LRCH1: variants seen among roughly 807,000 people sequenced by gnomAD.
The protein encoded by LRCH1 is leucine rich repeats and calponin homology domain containing 1, also known as leucine-rich repeat and calponin homology domain-containing protein 1.
In LRCH1, 23 loss-of-function variants were observed where a neutral mutation model predicts 94.9. The observed-to-expected ratio is 0.24, with a 90% CI of 0.17 to 0.34. The LOEUF (loss-of-function observed/expected upper bound fraction) is 0.34. Among genes scored for constraint, LRCH1 ranks in the 10% least tolerant of loss-of-function variants. LRCH1 has a pLI of 1.00. For missense variants in LRCH1, 790 were observed against 945.9 expected (o/e 0.84, Z 2.16); for synonymous variants, 364 against 354.9 (o/e 1.03, Z -0.29).
chr13:46,736,503 A>G (rs1001446065), intron 19 of LRCH1, among the ~76,000 whole-genome samples: 1 of 152,200 alleles, frequency 6.6e-6, no homozygotes. Flanking sequence ...TGTGTGGCAC[A>G]GTACAATTGA....
Position 46,701,201 on chromosome 13 carries a change from C to T in LRCH1, c.1394C>T (p.Pro465Leu). ...LREAVDLLQD[P>L]NGLSTDITER... ...GAAGCAGTAGATTTGCTGCAAGATC[C>T]CAATGGGTGTGTATGTCTCCTTGGT... Residue 465 changes from proline to leucine, a missense_variant, in exon 11 of 20, where the codon CCC (proline) becomes CTC (leucine). This residue lies in a region of LRCH1 where 460 missense variants were observed against 508.9 expected (regional missense o/e 0.90). Transcript: ENST00000389797. 1 of 1,609,678 alleles carries T rather than the reference C, an allele frequency of 6.2e-7. No individual in the cohort carries two copies. Among genetic ancestry groups the T allele is most frequent in the Non-Finnish European group, 8.5e-7 (1 of 1,176,104 alleles).
At chr13:46,556,678 A>T (rs1171094900) in intron 1 of LRCH1, among the ~76,000 whole-genome samples, 1 of 152,126 alleles carries the variant, frequency 6.6e-6, no homozygotes, top group Non-Finnish European at 1.5e-5. Flanking sequence ...TATGCTGAAG[A>T]TTATACCTCT....
At chr13:46,677,407 G>C (rs575037234) in intron 3 of LRCH1, among the ~76,000 whole-genome samples, 1 of 152,276 alleles carries the variant, frequency 6.6e-6, no homozygotes, top group Non-Finnish European at 1.5e-5. Flanking sequence ...TCCAATCTGG[G>C]CGACAGAGCG....
intron 18 of LRCH1, among the ~76,000 whole-genome samples, chr13:46,731,276 C>A (rs555237887): frequency 1.3e-5 from 2 of 152,066 alleles, no homozygotes; most frequent in Non-Finnish European, 2.9e-5. Context: ...TCTCCTCTGT[C>A]GCCCAGGCAG....
chr13:46,566,417 G>T (rs1425552992), intron 1 of LRCH1, among the ~76,000 whole-genome samples: 1 of 152,120 alleles, frequency 6.6e-6, no homozygotes, highest in Non-Finnish European at 1.5e-5. Context: ...TCTCCCTGAG[G>T]CTACTGATAT....
At chr13:46,604,822 C>G (rs1047679816) in intron 1 of LRCH1, among the ~76,000 whole-genome samples, 1 of 152,196 alleles carries the variant, frequency 6.6e-6, no homozygotes. Context: ...AAGGAACAGA[C>G]CATGATGACA....
At position 46,743,010 on chromosome 13, in the gene LRCH1, A is replaced by G. The variant is rs550722371; in HGVS notation, c.*1162A>G. 210 of 985,432 alleles carry G rather than the reference A, an allele frequency of 2.1e-4. No individual in the cohort carries two copies. In the African/African-American group the frequency reaches 3.4e-3, roughly 16 times the overall value. 61.0% of individuals were successfully genotyped at this position (985,432 alleles called of 1,614,324 possible). ...ATTTAAAAGGAAAAAAAAGAATTTTATCTTAGCCAGAATGTCCCTGGATTC... is the reference window on the plus strand; with the variant it reads ...ATTTAAAAGGAAAAAAAAGAATTTTGTCTTAGCCAGAATGTCCCTGGATTC... On this transcript the variant is annotated 3_prime_UTR_variant, in exon 20 of 20. Transcript: ENST00000389797.
At chr13:46,614,223 G>A (rs1019355929) in intron 1 of LRCH1, among the ~76,000 whole-genome samples, 1 of 151,982 alleles carries the variant, frequency 6.6e-6, no homozygotes, top group African/African-American at 2.4e-5. Flanking sequence ...TTTCATCCAA[G>A]ATAACTGCAT....
chr13:46,742,200 AGT>A lies in LRCH1; in HGVS notation c.*355_*356del. 7.1e-6 allele frequency: 8 copies of A among 1,134,262 alleles called. No homozygotes were observed. The highest frequency in any genetic ancestry group is 8.7e-6 in the Non-Finnish European group (8 of 921,026). The allele number at this position is 1,134,262 out of a possible 1,614,324, so 70.3% of individuals were successfully genotyped here. On this transcript the variant is annotated 3_prime_UTR_variant, in exon 20 of 20. Coordinates refer to ENST00000389797, the MANE Select transcript of LRCH1 (RefSeq NM_001164211.2). ...GAGGGGAGGAGAATTCCAGGACAAGAGTGTCAAGGACAGGGATTTAGCATATG... is the reference window on the plus strand; with the variant it reads ...GAGGGGAGGAGAATTCCAGGACAAGAGTCAAGGACAGGGATTTAGCATATG...
At chr13:46,662,794 G>A (rs1413619258) in intron 2 of LRCH1, among the ~76,000 whole-genome samples, 2 of 152,182 alleles carry the variant, frequency 1.3e-5, no homozygotes, top group Non-Finnish European at 2.9e-5. Flanking sequence ...AGTTGCAAGA[G>A]GTCAAATATG....
intron 1 of LRCH1, among the ~76,000 whole-genome samples, chr13:46,622,695 C>G: frequency 6.6e-6 from 1 of 152,140 alleles, no homozygotes; most frequent in Non-Finnish European, 1.5e-5. Flanking sequence ...AAAGGAAATT[C>G]TATTTTTTGG....
At chr13:46,672,296 G>A (rs1315086243) in intron 3 of LRCH1, among the ~76,000 whole-genome samples, 2 of 150,840 alleles carry the variant, frequency 1.3e-5, no homozygotes, top group African/African-American at 4.9e-5. Flanking sequence ...CATCTTGGTG[G>A]CTTGCAAGTT....
At chr13:46,656,444 C>A (rs79798724) in intron 2 of LRCH1, among the ~76,000 whole-genome samples, 1 of 152,112 alleles carries the variant, frequency 6.6e-6, no homozygotes, top group Admixed American at 6.5e-5. Context: ...GAAGATCTTA[C>A]CCCATTCAAA....
In LRCH1 at chr13:46,701,205, T is replaced by C. The variant is rs749492624; in HGVS notation, c.1398T>C (p.Asn466=). The part of the protein sequence containing the change: ...REAVDLLQDP[N]GLSTDITERS... Reference sequence around the variant, plus strand: ...CAGTAGATTTGCTGCAAGATCCCAATGGGTGTGTATGTCTCCTTGGTCCAG... The same window carrying C: ...CAGTAGATTTGCTGCAAGATCCCAACGGGTGTGTATGTCTCCTTGGTCCAG... Residue 466 remains asparagine, a splice_region_variant and synonymous_variant, in exon 11 of 20, where the codon AAT becomes AAC. Transcript: ENST00000389797. 1.2e-6 allele frequency: 2 copies of C among 1,604,706 alleles called. No individual in the cohort carries two copies. Among genetic ancestry groups the C allele is most frequent in the South Asian group, 2.2e-5 (2 of 90,866 alleles).
At chr13:46,675,811 T>A (rs1463011514) in intron 3 of LRCH1, among the ~76,000 whole-genome samples, 1 of 152,170 alleles carries the variant, frequency 6.6e-6, no homozygotes, top group Non-Finnish European at 1.5e-5. Context: ...GTGCTTCCAT[T>A]TCTGCCTTTC....
chr13:46,615,128 G>A (rs2050791278), intron 1 of LRCH1, among the ~76,000 whole-genome samples: 1 of 152,148 alleles, frequency 6.6e-6, no homozygotes, highest in Non-Finnish European at 1.5e-5. Context: ...ACTCTGTTCT[G>A]TGTTGCAATA....
At chr13:46,562,359 T>C (rs2050138726) in intron 1 of LRCH1, among the ~76,000 whole-genome samples, 1 of 152,202 alleles carries the variant, frequency 6.6e-6, no homozygotes, top group South Asian at 2.1e-4. Flanking sequence ...GATCAAGGTG[T>C]CGGCAGGTTT....
intron 6 of LRCH1, among the ~76,000 whole-genome samples, 154 bp downstream of exon 6, chr13:46,688,133 T>C (rs567498771): frequency 6.6e-6 from 1 of 152,376 alleles, no homozygotes; most frequent in South Asian, 2.1e-4. Flanking sequence ...ACCTAATTTG[T>C]ATTTAAAACA....
At chr13:46,724,268 G>C (rs1326262840) in intron 17 of LRCH1, among the ~76,000 whole-genome samples, 2 of 152,144 alleles carry the variant, frequency 1.3e-5, no homozygotes, top group Non-Finnish European at 2.9e-5. Flanking sequence ...GAGTGCAATG[G>C]TATGATCATA....
Sources: allele counts gnomAD v4.1 joint callset (sites outside exome capture counted in the v4.1 genomes callset), GRCh38; gene constraint gnomAD v4.1.1; regional missense constraint gnomAD v4.1.1; transcripts MANE v1.5; gene names NCBI Gene and HGNC (gene_info 2026-07-23, HGNC 2026-07-21).